TRAPPC9: variants seen among roughly 807,000 people sequenced by gnomAD.
The protein encoded by TRAPPC9 is IKK2 binding protein.
A neutral mutation model predicts 124.0 loss-of-function variants in TRAPPC9; 83 were observed. The observed-to-expected ratio is 0.67, with a 90% CI of 0.56 to 0.80. TRAPPC9 has a LOEUF of 0.80. Among genes scored for constraint, TRAPPC9 ranks in the 30% least tolerant of loss-of-function variants. The probability of loss-of-function intolerance (pLI) is 0.00; values close to 1 mark genes in which losing one functional copy is unlikely to be tolerated. For synonymous variants in TRAPPC9, 638 were observed against 617.5 expected (o/e 1.03, Z -0.49); for missense variants, 1,302 against 1,508.3 (o/e 0.86, Z 2.27).
chr8:139,754,261 C>T (rs1819549333), intron 21 of TRAPPC9, among the ~76,000 whole-genome samples: 1 of 152,262 alleles, frequency 6.6e-6, no homozygotes, highest in Non-Finnish European at 1.5e-5. Context: ...ACCCCCAAAG[C>T]TCTTTCCCCT....
At chr8:140,362,405 T>C (rs2067982544) in intron 8 of TRAPPC9, among the ~76,000 whole-genome samples, 1 of 152,212 alleles carries the variant, frequency 6.6e-6, no homozygotes, top group Non-Finnish European at 1.5e-5. Flanking sequence ...CAAATTTTGA[T>C]AATGATTTAA....
intron 11 of TRAPPC9, among the ~76,000 whole-genome samples, chr8:140,299,131 G>A (rs1272872664): frequency 1.3e-5 from 2 of 152,236 alleles, no homozygotes; most frequent in African/African-American, 2.4e-5. Flanking sequence ...GAGAGCCAAT[G>A]ATAGAGGGGC....
At chr8:139,834,565 A>G (rs931277393) in intron 21 of TRAPPC9, among the ~76,000 whole-genome samples, 1 of 152,240 alleles carries the variant, frequency 6.6e-6, no homozygotes, top group African/African-American at 2.4e-5. Context: ...GCCGCCCTCC[A>G]TGACGCTGAG....
At chr8:139,741,380 C>T (rs956169623) in intron 21 of TRAPPC9, among the ~76,000 whole-genome samples, 5 of 152,180 alleles carry the variant, frequency 3.3e-5, no homozygotes, top group East Asian at 1.9e-4. Flanking sequence ...TGACAGATGA[C>T]GCTCTTGAGG....
In TRAPPC9 at chr8:140,097,850, C is replaced by A. The variant is rs1270345726; in HGVS notation, c.2557-73771G>T. On this transcript the variant is annotated intron_variant, in intron 17 of 22. Coordinates refer to ENST00000438773, the MANE Select transcript of TRAPPC9 (RefSeq NM_001160372.4). This position sits in a 1 kb window ranked among gnomAD's most constrained non-coding sequence, Gnocchi z 4.2. ...TACCCAGGTCCTTAGTGCGTGGCTACAGACGTGCCGCAGTCCTACCGGGAA... is the reference window on the plus strand; with the variant it reads ...TACCCAGGTCCTTAGTGCGTGGCTAAAGACGTGCCGCAGTCCTACCGGGAA... 6.6e-6 allele frequency: 1 copy of A among 152,226 alleles called. No homozygotes were observed. Among genetic ancestry groups the A allele is most frequent in the African/African-American group, 2.4e-5 (1 of 41,428 alleles). 9.4% of individuals were successfully genotyped at this position (152,226 alleles called of 1,614,324 possible).
At chr8:139,881,497 T>C (rs1039229973) in intron 21 of TRAPPC9, among the ~76,000 whole-genome samples, 6 of 152,186 alleles carry the variant, frequency 3.9e-5, no homozygotes, top group African/African-American at 1.4e-4. Context: ...GCGGGAATTA[T>C]GTCCTCCAAA....
At chr8:140,125,348 G>A (rs1171787575) in intron 17 of TRAPPC9, among the ~76,000 whole-genome samples, 1 of 152,224 alleles carries the variant, frequency 6.6e-6, no homozygotes, top group African/African-American at 2.4e-5. Context: ...CGGTGACCCA[G>A]GAAGCATCGA....
At chr8:139,936,963 C>A (rs1193427358) in intron 19 of TRAPPC9, among the ~76,000 whole-genome samples, 1 of 46,368 alleles carries the variant, frequency 2.2e-5, no homozygotes, top group African/African-American at 5.2e-5. Context: ...AGAGAGTGGG[C>A]GAGTGGGCAC....
intron 21 of TRAPPC9, among the ~76,000 whole-genome samples, chr8:139,823,387 G>A (rs1042367827): frequency 1.3e-5 from 2 of 152,034 alleles, no homozygotes. Flanking sequence ...GTGCCCGAAT[G>A]CAGAGTGGGT....
intron 21 of TRAPPC9, among the ~76,000 whole-genome samples, chr8:139,802,206 A>C (rs1823585845): frequency 6.6e-6 from 1 of 152,200 alleles, no homozygotes; most frequent in Non-Finnish European, 1.5e-5. Context: ...CTGGCCCTGC[A>C]CAAATGTACT....
At chr8:140,355,642 G>A (rs545544953) in intron 9 of TRAPPC9, among the ~76,000 whole-genome samples, 39 of 152,212 alleles carry the variant, frequency 2.6e-4, no homozygotes, top group Non-Finnish European at 2.6e-4. Flanking sequence ...CACAGCACTG[G>A]GGGGGAATTA....
At chr8:140,019,648 G>A (rs147902800) in intron 18 of TRAPPC9, among the ~76,000 whole-genome samples, 2 of 144,748 alleles carry the variant, frequency 1.4e-5, no homozygotes, top group South Asian at 2.3e-4. Flanking sequence ...TGCCTCATGG[G>A]TTCAAGCGAT....
intron 6 of TRAPPC9, 34 bp downstream of exon 6, chr8:140,405,543 C>G (rs376659925): frequency 6.2e-7 from 1 of 1,612,634 alleles, no homozygotes; most frequent in South Asian, 1.1e-5. Context: ...AACAACACAA[C>G]TGTGTAAAAA....
At chr8:140,446,872 G>T (rs2071279030) in intron 2 of TRAPPC9, among the ~76,000 whole-genome samples, 2 of 152,144 alleles carry the variant, frequency 1.3e-5, no homozygotes, top group Admixed American at 1.3e-4. Context: ...CTTTACGGTG[G>T]AAAGTCGCTG....
At chr8:140,271,553 C>CAG (rs920750635) in intron 15 of TRAPPC9, among the ~76,000 whole-genome samples, 9 of 151,802 alleles carry the variant, frequency 5.9e-5, no homozygotes, top group East Asian at 5.8e-4. Context: ...GAGATAGAGA[C>CAG]AGAGAGAGAG....
At chr8:140,280,459 C>T (rs1213381522) in intron 14 of TRAPPC9, among the ~76,000 whole-genome samples, 1 of 152,130 alleles carries the variant, frequency 6.6e-6, no homozygotes, top group Non-Finnish European at 1.5e-5. Flanking sequence ...CAAAGTCTCG[C>T]TCTTTGTCCC....
At chr8:140,411,116 G>A (rs2069692368) in intron 5 of TRAPPC9, among the ~76,000 whole-genome samples, 1 of 152,030 alleles carries the variant, frequency 6.6e-6, no homozygotes, top group African/African-American at 2.4e-5. Context: ...ACCAATCCTT[G>A]AACTCTAACT....
chr8:140,160,909 T>C (rs1035840883), intron 17 of TRAPPC9, among the ~76,000 whole-genome samples: 1 of 152,178 alleles, frequency 6.6e-6, no homozygotes, highest in African/African-American at 2.4e-5. Flanking sequence ...TATCATGAGT[T>C]CTGAAACAAG....
chr8:140,198,487 A>G (rs2062716091), intron 17 of TRAPPC9, among the ~76,000 whole-genome samples: 2 of 152,000 alleles, frequency 1.3e-5, no homozygotes, highest in African/African-American at 2.4e-5. Flanking sequence ...CCACCCAGGA[A>G]CCAACTCAGC....
Sources: gnomAD v4.1 joint callset for allele counts (sites outside exome capture counted in the v4.1 genomes callset) on GRCh38, gnomAD v4.1.1 for gene constraint, Gnocchi (gnomAD v3.1) non-coding constraint, MANE v1.5 for transcripts, NCBI Gene and HGNC (gene_info 2026-07-23, HGNC 2026-07-21) for gene names.